The following VAV1 variants were observed in gnomAD, a reference collection of about 807,000 sequenced individuals.
The protein encoded by VAV1 is proto-oncogene vav.
A neutral mutation model predicts 128.1 loss-of-function variants in VAV1; 33 were observed. The observed-to-expected ratio is 0.26, with a 90% CI of 0.20 to 0.34. VAV1 has a LOEUF of 0.34. VAV1 is among the 10% of genes least tolerant of loss of function. VAV1 has a pLI of 1.00. For synonymous variants in VAV1, 394 were observed against 409.8 expected (o/e 0.96, Z 0.47); for missense variants, 715 against 1,093.7 (o/e 0.65, Z 4.88).
intron 1 of VAV1, among the ~76,000 whole-genome samples, chr19:6,795,388 C>G (rs529103127): frequency 3.9e-5 from 6 of 152,194 alleles, no homozygotes; most frequent in African/African-American, 1.4e-4. Context: ...AATAGGAGCC[C>G]TACTTCATTG....
intron 1 of VAV1, among the ~76,000 whole-genome samples, chr19:6,800,906 C>T (rs1034545356): frequency 1.3e-5 from 2 of 152,122 alleles, no homozygotes; most frequent in African/African-American, 2.4e-5. Flanking sequence ...GGATTACAGG[C>T]GTGAGCCACC....
At chr19:6,774,930 T>TTC (rs1228884189) in intron 1 of VAV1, among the ~76,000 whole-genome samples, 1 of 151,040 alleles carries the variant, frequency 6.6e-6, no homozygotes, top group Non-Finnish European at 1.5e-5. Flanking sequence ...AATTTTTTTT[T>TTC]TTTTTTTGTA....
In VAV1 at chr19:6,813,074, T is replaced by C. The variant is rs536851056; in HGVS notation, c.205-7628T>C. Among the ~76,000 whole-genome samples, 33 of 152,354 alleles carry C rather than the reference T, an allele frequency of 2.2e-4. 1 individual carries two copies. In the South Asian group the frequency reaches 6.2e-3, roughly 29 times the overall value. ...AGTAACAAATTATCCCCAAACTTAATTGTATAAAACAACCATTTATTATGC... is the reference window on the plus strand; with the variant it reads ...AGTAACAAATTATCCCCAAACTTAACTGTATAAAACAACCATTTATTATGC... On this transcript the variant is annotated intron_variant, in intron 1 of 26. Coordinates refer to ENST00000602142, the MANE Select transcript of VAV1 (RefSeq NM_005428.4).
At chr19:6,833,099 T>G (rs1972126202) in intron 15 of VAV1, 85 bp from the exon 16 acceptor site, 1 of 1,257,564 alleles carries the variant, frequency 8.0e-7, no homozygotes, top group Admixed American at 2.4e-5. Context: ...ACGTGGTCTG[T>G]TCATACCATG....
intron 1 of VAV1, among the ~76,000 whole-genome samples, chr19:6,811,438 GA>G (rs1212205047): frequency 5.3e-5 from 8 of 152,196 alleles, no homozygotes; most frequent in African/African-American, 1.9e-4. Flanking sequence ...TTCATCTGGA[GA>G]GAGCCCAGCA....
chr19:6,777,045 C>T lies in VAV1; in HGVS notation c.204+4034C>T, dbSNP rs553477984. The stretch of plus-strand genomic sequence containing the variant: ...GCTGGGATTACAGGTGTGAGCCATA[C>T]GCCCGGCCCATCCATTCATCTATCT... On this transcript the variant is annotated intron_variant, in intron 1 of 26. Coordinates refer to ENST00000602142, the MANE Select transcript of VAV1 (RefSeq NM_005428.4). This position sits in a 1 kb window ranked among gnomAD's most constrained non-coding sequence, Gnocchi z 4.4. Among the ~76,000 whole-genome samples, 54 of 151,948 alleles carry T rather than the reference C, an allele frequency of 3.6e-4. 1 individual carries two copies. The highest frequency in any genetic ancestry group is 1.2e-3 in the African/African-American group (48 of 41,466).
At chr19:6,783,897 C>T (rs536615678) in intron 1 of VAV1, among the ~76,000 whole-genome samples, 2 of 151,950 alleles carry the variant, frequency 1.3e-5, no homozygotes, top group Non-Finnish European at 2.9e-5. Flanking sequence ...AAGTCACTGC[C>T]GTAGAACCTC....
rs1972415427 is a variant in VAV1, at chr19:6,842,946, A to AT, written c.1981-188dup. Among the ~76,000 whole-genome samples the AT allele has an allele frequency of 2.6e-5, 4 of 152,282 alleles. No individual in the cohort carries two copies. In the South Asian group the frequency reaches 8.3e-4, roughly 32 times the overall value. On this transcript the variant is annotated intron_variant, in intron 21 of 26. Coordinates refer to ENST00000602142, the MANE Select transcript of VAV1 (RefSeq NM_005428.4). ...GGGAAGACAACCCCTGCTTTATATG[A>AT]TACTGGGGCAGTCTCTCCCCCGAGG...
At chr19:6,811,473 G>C (rs1231128473) in intron 1 of VAV1, among the ~76,000 whole-genome samples, 2 of 152,156 alleles carry the variant, frequency 1.3e-5, no homozygotes, top group South Asian at 2.1e-4. Flanking sequence ...TGTCAGGCCT[G>C]GGTTGAGGAG....
chr19:6,856,597 G>T (rs553143675), intron 26 of VAV1, among the ~76,000 whole-genome samples: 2 of 151,428 alleles, frequency 1.3e-5, no homozygotes, highest in Admixed American at 6.6e-5. Context: ...GGTGGCAGGC[G>T]CCTGTAATCC....
chr19:6,794,155 G>A (rs911471568), intron 1 of VAV1, among the ~76,000 whole-genome samples: 1 of 116,312 alleles, frequency 8.6e-6, no homozygotes, highest in Non-Finnish European at 1.8e-5. Context: ...AAGGGTAAAT[G>A]TCACTCATTG....
rs760219042 is a variant in VAV1 at position 6,832,100 on chromosome 19, A to G, written c.1408A>G (p.Met470Val). 6.2e-7 allele frequency: 1 copy of G among 1,614,082 alleles called. No individual in the cohort carries two copies. The highest frequency in any genetic ancestry group is 1.1e-5 in the South Asian group (1 of 91,084). ...GDRDNKKWSH[M>V]FLLIEDQGAQ... ...CTCTGCTTCCCTGCAGTGGAGCCAC[A>G]TGTTCCTCCTGATCGAGGACCAAGG... Residue 470 changes from methionine to valine, a missense_variant, in exon 15 of 27, where the codon ATG becomes GTG. This residue lies in a region of VAV1 where 407 missense variants were observed against 580.6 expected (regional missense o/e 0.70). Transcript: ENST00000602142.
rs1005802227 is a variant in VAV1, at chr19:6,799,860, A to T, written c.205-20842A>T. Among the ~76,000 whole-genome samples, 352 of 151,414 alleles carry T rather than the reference A, an allele frequency of 2.3e-3. 2 individuals are homozygous for T. Among genetic ancestry groups the T allele is most frequent in the Middle Eastern group, 3.4e-3 (1 of 294 alleles). On this transcript the variant is annotated intron_variant, in intron 1 of 26. Transcript: ENST00000602142. The stretch of plus-strand genomic sequence containing the variant: ...AGACTGTCTCAAAAAAAAAAAAAAA[A>T]AAAAAAGGAAAGAAAAGAAAACAGA...
At chr19:6,852,828 T>A (rs1213654701) in intron 24 of VAV1, 137 bp from the exon 25 acceptor site, 6 of 588,842 alleles carry the variant, frequency 1.0e-5, no homozygotes. Flanking sequence ...TCATGGGGAG[T>A]ATTCAAGGGG....
Position 6,822,565 on chromosome 19 carries a change from C to A in VAV1, c.654+51C>A, listed in dbSNP as rs1165202678. 6.6e-7 allele frequency: 1 copy of A among 1,510,142 alleles called. No individual in the cohort carries two copies. The highest frequency in any genetic ancestry group is 8.9e-7 in the Non-Finnish European group (1 of 1,122,026). 93.5% of individuals were successfully genotyped at this position (1,510,142 alleles called of 1,614,324 possible). On this transcript the variant is annotated intron_variant, in intron 6 of 26. Transcript: ENST00000602142. This position sits in a 1 kb window ranked among gnomAD's most constrained non-coding sequence, Gnocchi z 5.9. ...CCGGGCGCATGCGCGGGAGCTGGGC[C>A]GGCAGGTGCACGTCCACCTGTCCGG...
At chr19:6,840,073 A>G (rs1204273979) in intron 21 of VAV1, among the ~76,000 whole-genome samples, 1 of 152,170 alleles carries the variant, frequency 6.6e-6, no homozygotes, top group Non-Finnish European at 1.5e-5. Context: ...CATCATCTCC[A>G]GAACACTTTT....
intron 21 of VAV1, among the ~76,000 whole-genome samples, chr19:6,839,111 C>G (rs1421505616): frequency 6.6e-6 from 1 of 151,854 alleles, no homozygotes; most frequent in African/African-American, 2.4e-5. Flanking sequence ...TCATGTTGGT[C>G]AGGCTGGTCT....
At chr19:6,816,119 A>G (rs1230788622) in intron 1 of VAV1, among the ~76,000 whole-genome samples, 1 of 147,772 alleles carries the variant, frequency 6.8e-6, no homozygotes, top group African/African-American at 2.5e-5. Context: ...TCCTGGGTTC[A>G]CGCCATTCTC....
intron 1 of VAV1, among the ~76,000 whole-genome samples, chr19:6,808,791 A>G (rs1186372138): frequency 1.3e-5 from 2 of 152,214 alleles, no homozygotes; most frequent in Admixed American, 6.5e-5. Flanking sequence ...GTCTGGGCAG[A>G]TAGGTGATCT....
Sources: gnomAD v4.1 joint callset for allele counts (sites outside exome capture counted in the v4.1 genomes callset) on GRCh38, gnomAD v4.1.1 for gene constraint, gnomAD v4.1.1 regional missense constraint, Gnocchi (gnomAD v3.1) non-coding constraint, MANE v1.5 for transcripts, NCBI Gene and HGNC (gene_info 2026-07-23, HGNC 2026-07-21) for gene names.